NSL1: variants seen among roughly 807,000 people sequenced by gnomAD.
NSL1 encodes kinetochore-associated protein NSL1 homolog.
In NSL1, 11 loss-of-function variants were observed where a neutral mutation model predicts 25.4. The observed-to-expected ratio is 0.43, with a 90% CI of 0.27 to 0.72. NSL1 has a LOEUF of 0.72. Ranked by LOEUF, NSL1 falls within the 30% of genes least tolerant of loss-of-function variation. The probability of loss-of-function intolerance (pLI) is 0.19; values close to 1 mark genes in which losing one functional copy is unlikely to be tolerated. For synonymous variants in NSL1, 118 were observed against 120.6 expected (o/e 0.98, Z 0.14); for missense variants, 330 against 342.7 (o/e 0.96, Z 0.29).
intron 4 of NSL1, among the ~76,000 whole-genome samples, chr1:212,747,759 GATTT>G (rs1455499351): frequency 6.6e-6 from 1 of 152,110 alleles, no homozygotes; most frequent in Non-Finnish European, 1.5e-5. Flanking sequence ...TTCCTAGTGA[GATTT>G]ATTTTCTTTT....
In NSL1 at chr1:212,738,371, G is replaced by A. The variant is rs767263385; in HGVS notation, c.*37C>T. The A allele has an allele frequency of 3.2e-6, 5 of 1,575,002 alleles. No individual in the cohort carries two copies. The South Asian group carries it at 5.9e-5, about 19-fold the overall frequency. ...TTAGGCTGTAATCTAAATGTTGATG[G>A]TGCCTATTTTCAACTCCCAAAATAA... On this transcript the variant is annotated 3_prime_UTR_variant, in exon 6 of 6. Transcript: ENST00000366977.
At position 212,731,186 on chromosome 1, in the gene NSL1, GAA is replaced by G. The variant is rs35088304; in HGVS notation, c.*7220_*7221del. 16,824 of 881,854 alleles carry G rather than the reference GAA, an allele frequency of 0.019. 80 individuals carry two copies. Among genetic ancestry groups the G allele is most frequent in the Middle Eastern group, 0.03 (53 of 1,756 alleles). 54.6% of individuals were successfully genotyped at this position (881,854 alleles called of 1,614,324 possible). A position where few individuals can be genotyped will look rare whatever the true frequency, so the allele number is the denominator to read the frequency against. ...TTGCAAAACAAATGGTCAGAGGGGAGAAAAAAAAAAAAACCTGAAGAAACCAA... is the reference window on the plus strand; with the variant it reads ...TTGCAAAACAAATGGTCAGAGGGGAGAAAAAAAAAAACCTGAAGAAACCAA... On this transcript the variant is annotated 3_prime_UTR_variant, in exon 6 of 6. Transcript: ENST00000366977.
intron 4 of NSL1, among the ~76,000 whole-genome samples, chr1:212,754,155 C>G (rs929936949): frequency 6.6e-6 from 1 of 152,144 alleles, no homozygotes; most frequent in African/African-American, 2.4e-5. Flanking sequence ...CCTAAGACTT[C>G]CTAGTCAAGT....
rs558808043 is a variant in NSL1 at position 212,737,265 on chromosome 1, A to G, written c.*1143T>C. The G allele has an allele frequency of 6.1e-6, 6 of 985,376 alleles. No homozygotes were observed. The highest frequency in any genetic ancestry group is 6.1e-5 in the Admixed American group (1 of 16,294). 61.0% of individuals were successfully genotyped at this position (985,376 alleles called of 1,614,324 possible). Reference sequence around the variant, plus strand: ...ACACAAAATGCAACAAAGTGGCTTTATAAGTTTTCTTCACTGAGACAGACC... The same window carrying G: ...ACACAAAATGCAACAAAGTGGCTTTGTAAGTTTTCTTCACTGAGACAGACC... On this transcript the variant is annotated 3_prime_UTR_variant, in exon 6 of 6. Coordinates refer to ENST00000366977, the MANE Select transcript of NSL1 (RefSeq NM_015471.4).
At chr1:212,756,931 A>G (rs192502080) in intron 4 of NSL1, among the ~76,000 whole-genome samples, 41 of 152,332 alleles carry the variant, frequency 2.7e-4, no homozygotes, top group Non-Finnish European at 4.3e-4. Context: ...GAGAAATTAT[A>G]TAATATCTGT....
In NSL1 at chr1:212,730,328, C is replaced by T. The variant is rs1657967944; in HGVS notation, c.*8080G>A. The T allele has an allele frequency of 7.1e-6, 7 of 984,234 alleles. No individual in the cohort carries two copies. Among genetic ancestry groups the T allele is most frequent in the Non-Finnish European group, 8.4e-6 (7 of 829,776 alleles). The allele number at this position is 984,234 out of a possible 1,614,324, so 61.0% of individuals were successfully genotyped here. On this transcript the variant is annotated 3_prime_UTR_variant, in exon 6 of 6. Transcript: ENST00000366977. The stretch of plus-strand genomic sequence containing the variant: ...AGAGTTGTGTGGAGGGTGGCATTCC[C>T]ATCAAGGTGGCATCAGGGGCAGAAA...
chr1:212,775,203 A>G (rs1475944799), intron 4 of NSL1, among the ~76,000 whole-genome samples: 1 of 152,236 alleles, frequency 6.6e-6, no homozygotes, highest in African/African-American at 2.4e-5. Flanking sequence ...TCAGGTCTAT[A>G]GAGATAGAAA....
At chr1:212,739,459 CAT>C in intron 5 of NSL1, 73 bp downstream of exon 5, 2 of 1,365,462 alleles carry the variant, frequency 1.5e-6, no homozygotes, top group South Asian at 2.4e-5. Context: ...GACTAAAACA[CAT>C]ATGAATGTTG....
At chr1:212,772,526 A>G (rs189331079) in intron 4 of NSL1, among the ~76,000 whole-genome samples, 167 of 150,900 alleles carry the variant, frequency 1.1e-3, no homozygotes, top group Middle Eastern at 3.4e-3. Context: ...AATAAATAAA[A>G]ATTAGCTGGG....
At chr1:212,761,455 C>T (rs573497874) in intron 4 of NSL1, among the ~76,000 whole-genome samples, 6 of 152,042 alleles carry the variant, frequency 3.9e-5, no homozygotes, top group African/African-American at 1.4e-4. Flanking sequence ...GCCTTAGCAA[C>T]ACGGCAAAAC....
intron 4 of NSL1, among the ~76,000 whole-genome samples, chr1:212,743,368 T>A (rs1451075942): frequency 6.6e-6 from 1 of 152,092 alleles, no homozygotes; most frequent in Non-Finnish European, 1.5e-5. Context: ...TTTCACCATG[T>A]TAGCCAGAAT....
At position 212,752,432 on chromosome 1, in the gene NSL1, A is replaced by T. The variant is rs954247744; in HGVS notation, c.500-12831T>A. On this transcript the variant is annotated intron_variant, in intron 4 of 5. Transcript: ENST00000366977. ...AACTGCCTCTGAGTCCTCTGCCTGT[A>T]GGGTCAGCAAAAGAACTGGAAGTAT... 4.6e-5 allele frequency among the ~76,000 whole-genome samples: 7 copies of T among 152,342 alleles called. 1 individual carries two copies.
Position 212,769,626 on chromosome 1 carries a change from A to T in NSL1, c.499+12746T>A, listed in dbSNP as rs76595937. ...CAAAAAATGCTTAAGGAAGTTCTAC[A>T]TCTGGAAGCAAAAAGACAGTATCTA... On this transcript the variant is annotated intron_variant, in intron 4 of 5. Coordinates refer to ENST00000366977, the MANE Select transcript of NSL1 (RefSeq NM_015471.4). Among the ~76,000 whole-genome samples, 797 of 152,346 alleles carry T rather than the reference A, an allele frequency of 5.2e-3. 5 individuals are homozygous for T. The highest frequency in any genetic ancestry group is 0.018 in the African/African-American group (760 of 41,574).
Position 212,754,769 on chromosome 1 carries a change from CAAA to C in NSL1, c.500-15171_500-15169del, listed in dbSNP as rs59259608. On this transcript the variant is annotated intron_variant, in intron 4 of 5. Coordinates refer to ENST00000366977, the MANE Select transcript of NSL1 (RefSeq NM_015471.4). ...GGGCAACAAGAGTAAAATTCTGTCT[CAAA>C]AAAAAAAAAAAAACCAACTCAAAAG... Among the ~76,000 whole-genome samples, 6 of 71,316 alleles carry C rather than the reference CAAA, an allele frequency of 8.4e-5. No homozygotes were observed. In the South Asian group the frequency reaches 3.2e-3, roughly 38 times the overall value. 46.8% of individuals were successfully genotyped at this position (71,316 alleles called of 152,430 possible).
chr1:212,750,492 C>A (rs887019454), intron 4 of NSL1, among the ~76,000 whole-genome samples: 1 of 152,086 alleles, frequency 6.6e-6, no homozygotes, highest in African/African-American at 2.4e-5. Context: ...TAGACAGCAG[C>A]CAGTCCAGAC....
intron 4 of NSL1, among the ~76,000 whole-genome samples, chr1:212,780,486 C>T (rs1224154090): frequency 1.5e-5 from 2 of 137,616 alleles, no homozygotes; most frequent in Non-Finnish European, 3.1e-5. Context: ...TGAGAAACAC[C>T]CAAGAATGAT....
chr1:212,791,226 T>C (rs1661237070), intron 1 of NSL1, among the ~76,000 whole-genome samples: 1 of 152,232 alleles, frequency 6.6e-6, no homozygotes, highest in African/African-American at 2.4e-5. Flanking sequence ...ACCTTGGATT[T>C]ATTGGGTTAA....
intron 4 of NSL1, among the ~76,000 whole-genome samples, chr1:212,756,071 C>G (rs780341756): frequency 7.2e-5 from 11 of 152,046 alleles, no homozygotes; most frequent in Admixed American, 1.3e-4. Flanking sequence ...AAAGGGGTGA[C>G]AGGAAGAGAG....
chr1:212,784,613 A>AT (rs1215661994), intron 2 of NSL1, 120 bp from the exon 3 acceptor site: 1 of 563,310 alleles, frequency 1.8e-6, no homozygotes, highest in African/African-American at 1.9e-5. Flanking sequence ...GAAAACAAAT[A>AT]TGGCAAGTTA....
Sources: gnomAD v4.1 joint callset for allele counts (sites outside exome capture counted in the v4.1 genomes callset) on GRCh38, gnomAD v4.1.1 for gene constraint, MANE v1.5 for transcripts, NCBI Gene and HGNC (gene_info 2026-07-23, HGNC 2026-07-21) for gene names.